Variants in NRXN1 observed in about 807,000 individuals in gnomAD.
NRXN1 encodes the protein neurexin 1, also known as neurexin-1.
In NRXN1, 39 loss-of-function variants were observed where a neutral mutation model predicts 150.9. That is an observed-to-expected ratio of 0.26 (90% CI 0.20 to 0.34). The LOEUF (loss-of-function observed/expected upper bound fraction) is 0.34, where lower values mean the gene tolerates loss of function less well. Ranked by LOEUF, NRXN1 falls within the 10% of genes least tolerant of loss-of-function variation. NRXN1 has a pLI of 1.00. For missense variants in NRXN1, 1,815 were observed against 1,949.9 expected, an observed-to-expected ratio of 0.93 and a Z score of 1.30; for synonymous variants, 924 against 757.0, an observed-to-expected ratio of 1.22 and a Z score of -3.62.
rs1404612614 is a variant in NRXN1 at position 50,696,746 on chromosome 2, A to G, written c.833-73131T>C. Among the ~76,000 whole-genome samples, 7 of 152,176 alleles carry G rather than the reference A, an allele frequency of 4.6e-5. No individual in the cohort carries two copies. The South Asian group carries it at 1.4e-3, about 31-fold the overall frequency. On this transcript the variant is annotated intron_variant, in intron 5 of 22. Coordinates refer to ENST00000401669, the MANE Select transcript of NRXN1 (RefSeq NM_001330078.2). ...AGAATACCTGAATTTTCACAGAGAT[A>G]AACATATTTATTTGATTTAAATGGT...
rs143199966 is a variant in NRXN1, at chr2:50,748,469, G to A, written c.833-124854C>T. On this transcript the variant is annotated intron_variant, in intron 5 of 22. Transcript: ENST00000401669. ...TTCTGTAATTATGGTGCCTGTTAAT[G>A]TCATTAGCGTACAGCCTTTCATATT... Among the ~76,000 whole-genome samples the A allele has an allele frequency of 4.9e-3, 749 of 152,212 alleles. 4 individuals carry two copies. The highest frequency in any genetic ancestry group is 0.017 in the African/African-American group (716 of 41,550).
chr2:50,106,151 A>C (rs561360257), intron 18 of NRXN1, among the ~76,000 whole-genome samples: 1 of 151,744 alleles, frequency 6.6e-6, no homozygotes, highest in Non-Finnish European at 1.5e-5. Context: ...ATAATTTGTA[A>C]TTATTTAAAT....
At chr2:50,664,021 T>C (rs1280864712) in intron 5 of NRXN1, among the ~76,000 whole-genome samples, 1 of 151,986 alleles carries the variant, frequency 6.6e-6, no homozygotes, top group African/African-American at 2.4e-5. Context: ...ATAAAGCTCC[T>C]ACTATGGTCA....
intron 17 of NRXN1, among the ~76,000 whole-genome samples, chr2:50,354,417 T>A (rs1255231319): frequency 6.6e-6 from 1 of 151,710 alleles, no homozygotes; most frequent in African/African-American, 2.4e-5. Context: ...AGTTTTCCCA[T>A]CTGTAAAAAA....
chr2:50,286,152 T>C (rs1449223222), intron 17 of NRXN1, among the ~76,000 whole-genome samples: 1 of 152,160 alleles, frequency 6.6e-6, no homozygotes, highest in Non-Finnish European at 1.5e-5. Flanking sequence ...ACACTTCACA[T>C]CCACTGTCTT....
rs79719942 is a variant in NRXN1, at chr2:50,569,371, C to T, written c.1321-16346G>A. 2.4e-4 allele frequency among the ~76,000 whole-genome samples: 37 copies of T among 152,150 alleles called. No individual in the cohort carries two copies. The East Asian group carries it at 6.8e-3, about 28-fold the overall frequency. On this transcript the variant is annotated intron_variant, in intron 8 of 22. Transcript: ENST00000401669. ...CAGTTACCTTCATGTGATCATTAGG[C>T]ATTGCATACCTGTATCAAAATATCT... is the stretch of plus-strand genomic sequence containing the variant.
At chr2:50,949,647 C>T (rs1452869055) in intron 2 of NRXN1, among the ~76,000 whole-genome samples, 1 of 151,982 alleles carries the variant, frequency 6.6e-6, no homozygotes, top group African/African-American at 2.4e-5. Flanking sequence ...GGTTTCATTC[C>T]TACTCAGGCC....
intron 5 of NRXN1, among the ~76,000 whole-genome samples, chr2:50,866,741 A>T (rs1431659759): frequency 6.6e-6 from 1 of 151,936 alleles, no homozygotes; most frequent in African/African-American, 2.4e-5. Context: ...GGTTAGTATT[A>T]GAGTTTATGG....
At chr2:50,916,124 G>A (rs1302335927) in intron 5 of NRXN1, among the ~76,000 whole-genome samples, 1 of 149,068 alleles carries the variant, frequency 6.7e-6, no homozygotes, top group Non-Finnish European at 1.5e-5. Context: ...ATGAAACTCT[G>A]TTTCATGATT....
At chr2:50,329,607 GTGTGTGTGTGTATATA>G (rs2076632426) in intron 17 of NRXN1, among the ~76,000 whole-genome samples, 1 of 25,924 alleles carries the variant, frequency 3.9e-5, no homozygotes, top group Non-Finnish European at 7.6e-5. Context: ...GTGTGTGTGT[GTGTGTGTGTGTATATA>G]TATATATATA....
In NRXN1 at chr2:51,028,230, C is replaced by T. The variant is rs1670927864; in HGVS notation, c.44G>A (p.Cys15Tyr). The T allele has an allele frequency of 1.4e-6, 2 of 1,474,402 alleles. No individual in the cohort carries two copies. Among genetic ancestry groups the T allele is most frequent in the Non-Finnish European group, 8.9e-7 (1 of 1,120,100 alleles). The allele number at this position is 1,474,402 out of a possible 1,614,324, so 91.3% of individuals were successfully genotyped here. A position where few individuals can be genotyped will look rare whatever the true frequency, so the allele number is the denominator to read the frequency against. The change falls in exon 2 of 23, where the codon TGC (cysteine) becomes TAC (tyrosine). Residue 15 changes from cysteine (C) to tyrosine (Y), a missense_variant. Cys to Tyr is a radical substitution (Grantham distance 194). Coordinates refer to ENST00000401669, the MANE Select transcript of NRXN1 (RefSeq NM_001330078.2). ...LLQRGGCFLLCLSLLLLGCWA... is the reference protein window; with the variant it reads ...LLQRGGCFLLYLSLLLLGCWA... Reference sequence around the variant, plus strand: ...GCAGCCCAGGAGCAGCAGCGAGAGGCACAGAAGAAAACAGCCCCCGCGCTG... The same window carrying T: ...GCAGCCCAGGAGCAGCAGCGAGAGGTACAGAAGAAAACAGCCCCCGCGCTG...
intron 18 of NRXN1, chr2:50,185,425 A>T (rs2061002550): frequency 1.3e-5 from 2 of 152,062 alleles, no homozygotes; most frequent in Admixed American, 1.3e-4. Context: ...TGATGTAGTC[A>T]AGAAGTTCTC....
intron 19 of NRXN1, among the ~76,000 whole-genome samples, chr2:50,081,842 T>C (rs1698016574): frequency 6.6e-6 from 1 of 152,160 alleles, no homozygotes; most frequent in Non-Finnish European, 1.5e-5. Flanking sequence ...TTTGAGAAAG[T>C]ATTACGAGAA....
chr2:49,926,739 T>A (rs1173395262), intron 22 of NRXN1, among the ~76,000 whole-genome samples: 4 of 152,220 alleles, frequency 2.6e-5, no homozygotes, highest in Non-Finnish European at 5.9e-5. Flanking sequence ...GCCCTATGTA[T>A]TATTTATTTA....
At chr2:50,369,033 C>T (rs1044369796) in intron 17 of NRXN1, among the ~76,000 whole-genome samples, 1 of 151,982 alleles carries the variant, frequency 6.6e-6, no homozygotes, top group Non-Finnish European at 1.5e-5. Context: ...AGGAGCAAAA[C>T]ATCGACATTG....
chr2:50,313,066 TAAATC>T (rs561674651), intron 17 of NRXN1, among the ~76,000 whole-genome samples: 25 of 152,170 alleles, frequency 1.6e-4, no homozygotes, highest in African/African-American at 6.0e-4. Flanking sequence ...CTACAAAAAA[TAAATC>T]AAGAAGAGAG....
intron 19 of NRXN1, among the ~76,000 whole-genome samples, chr2:50,070,900 T>C (rs1314684357): frequency 6.6e-6 from 1 of 151,926 alleles, no homozygotes; most frequent in African/African-American, 2.4e-5. Flanking sequence ...GCATAAAATA[T>C]ATCAGAATAA....
intron 21 of NRXN1, among the ~76,000 whole-genome samples, chr2:49,990,233 C>G (rs976311173): frequency 7.2e-5 from 11 of 152,164 alleles, no homozygotes; most frequent in African/African-American, 2.6e-4. Context: ...GGGGGAAAAA[C>G]ATTTCTGTCC....
At chr2:49,935,306 C>G (rs1670839593) in intron 22 of NRXN1, among the ~76,000 whole-genome samples, 1 of 152,084 alleles carries the variant, frequency 6.6e-6, no homozygotes, top group Non-Finnish European at 1.5e-5. Flanking sequence ...ATTGGGATTT[C>G]TCAAGTTTAC....
Sources: gnomAD v4.1 joint callset for allele counts (sites outside exome capture counted in the v4.1 genomes callset) on GRCh38, gnomAD v4.1.1 for gene constraint, MANE v1.5 for transcripts, NCBI Gene and HGNC (gene_info 2026-07-23, HGNC 2026-07-21) for gene names.